Variants in CHRM3 observed in about 807,000 individuals in gnomAD.
The protein encoded by CHRM3 is cholinergic receptor muscarinic 3.
In CHRM3, 11 loss-of-function variants were observed where a neutral mutation model predicts 41.8. The ratio of observed to expected loss-of-function variants is 0.26; its 90% CI spans 0.17 to 0.44. The LOEUF (loss-of-function observed/expected upper bound fraction) is 0.44, where lower values mean the gene tolerates loss of function less well. Among genes scored for constraint, CHRM3 ranks in the 20% least tolerant of loss-of-function variants. CHRM3 has a pLI of 1.00. For synonymous variants in CHRM3, 297 were observed against 301.4 expected, an observed-to-expected ratio of 0.99 and a Z score of 0.15; for missense variants, 571 against 745.4, an observed-to-expected ratio of 0.77 and a Z score of 2.72.
chr1:239,437,528 C>A (rs141776355), intron 1 of CHRM3, among the ~76,000 whole-genome samples: 64 of 152,240 alleles, frequency 4.2e-4, no homozygotes, highest in Admixed American at 1.3e-3. Context: ...GAAAGCCTTT[C>A]TTTTTATTTT....
chr1:239,563,206 G>GACC (rs3028742), intron 3 of CHRM3, among the ~76,000 whole-genome samples: 132,391 of 151,562 alleles, frequency 0.87, 58,626 homozygotes, highest in Non-Finnish European at 0.94. Context: ...CAAGGAAAGA[G>GACC]ACCAAGAGAT....
Position 239,489,272 on chromosome 1 carries a change from C to T in CHRM3, c.-520-3437C>T, listed in dbSNP as rs1424151832. On this transcript the variant is annotated intron_variant, in intron 1 of 6. Transcript: ENST00000676153. ...ACTAAAAATATAAAAATTAGCCGGG[C>T]GTGGGGACACATGCCTGTAATCCCA... 3.3e-5 allele frequency among the ~76,000 whole-genome samples: 5 copies of T among 152,044 alleles called. No homozygotes were observed. In the South Asian group the frequency reaches 6.2e-4, roughly 19 times the overall value.
At chr1:239,618,492 C>G (rs1667908283) in intron 3 of CHRM3, among the ~76,000 whole-genome samples, 1 of 151,342 alleles carries the variant, frequency 6.6e-6, no homozygotes, top group Non-Finnish European at 1.5e-5. Flanking sequence ...AAAACAAAAA[C>G]ACAACTTGGA....
chr1:239,469,596 G>A (rs1418688870), intron 1 of CHRM3, among the ~76,000 whole-genome samples: 3 of 151,924 alleles, frequency 2.0e-5, no homozygotes, highest in Non-Finnish European at 4.4e-5. Flanking sequence ...TCTCTCTGCT[G>A]CCCAGGCTGG....
intron 4 of CHRM3, among the ~76,000 whole-genome samples, chr1:239,658,390 G>C (rs2148998594): frequency 6.6e-6 from 1 of 152,324 alleles, no homozygotes; most frequent in Non-Finnish European, 1.5e-5. Context: ...TAGAAAGAAT[G>C]TCAAGATTGA....
At chr1:239,847,502 A>T (rs993361132) in intron 6 of CHRM3, among the ~76,000 whole-genome samples, 5 of 152,204 alleles carry the variant, frequency 3.3e-5, no homozygotes, top group African/African-American at 1.2e-4. Context: ...AATTTAAAAA[A>T]GGCGGAAGGG....
intron 6 of CHRM3, chr1:239,886,142 T>G (rs1459523578): frequency 6.6e-6 from 1 of 152,218 alleles, no homozygotes; most frequent in Non-Finnish European, 1.5e-5. Context: ...AAGAAAAGAA[T>G]GAATCCGGAT....
At chr1:239,657,811 G>T (rs956769986) in intron 4 of CHRM3, among the ~76,000 whole-genome samples, 2 of 152,092 alleles carry the variant, frequency 1.3e-5, no homozygotes, top group Non-Finnish European at 2.9e-5. Flanking sequence ...AACATCATCT[G>T]TTTCCAATGC....
chr1:239,703,275 C>T (rs1006996637), intron 5 of CHRM3: 4 of 152,192 alleles, frequency 2.6e-5, no homozygotes, highest in African/African-American at 9.6e-5. Context: ...AATGATTCAG[C>T]TTTCACTATT....
intron 1 of CHRM3, among the ~76,000 whole-genome samples, chr1:239,404,905 T>C (rs764912349): frequency 6.6e-6 from 1 of 151,790 alleles, no homozygotes; most frequent in Non-Finnish European, 1.5e-5. Context: ...TGCATGGGTA[T>C]AATGCTATGT....
At chr1:239,392,169 A>T (rs996569711) in intron 1 of CHRM3, among the ~76,000 whole-genome samples, 1 of 152,098 alleles carries the variant, frequency 6.6e-6, no homozygotes, top group Non-Finnish European at 1.5e-5. Context: ...TCTGTCTCTG[A>T]TTCAATCTCA....
chr1:239,536,000 C>T (rs1658163785), intron 2 of CHRM3, among the ~76,000 whole-genome samples: 1 of 152,174 alleles, frequency 6.6e-6, no homozygotes, highest in Admixed American at 6.5e-5. Flanking sequence ...GTCTTTTTAA[C>T]TGCAAGCCAG....
chr1:239,911,531 G>A lies in CHRM3; in HGVS notation c.*2307G>A, dbSNP rs1191539588. The A allele has an allele frequency of 6.1e-6, 1 of 162,808 alleles. No individual in the cohort carries two copies. Among genetic ancestry groups the A allele is most frequent in the African/African-American group, 2.6e-5 (1 of 38,852 alleles). The allele number at this position is 162,808 out of a possible 1,614,324, so 10.1% of individuals were successfully genotyped here. A position where few individuals can be genotyped will look rare whatever the true frequency, so the allele number is the denominator to read the frequency against. ...CTCCTATCTTGCCTCCCTCCCAAAAGGGCTGTTTCTTTTATTAAAAAAAAA... is the reference window on the plus strand; with the variant it reads ...CTCCTATCTTGCCTCCCTCCCAAAAAGGCTGTTTCTTTTATTAAAAAAAAA... On this transcript the variant is annotated 3_prime_UTR_variant, in exon 7 of 7. Coordinates refer to ENST00000676153, the MANE Select transcript of CHRM3 (RefSeq NM_001375978.1).
intron 3 of CHRM3, among the ~76,000 whole-genome samples, chr1:239,622,284 A>C (rs1284033904): frequency 6.6e-6 from 1 of 152,206 alleles, no homozygotes; most frequent in Admixed American, 6.5e-5. Flanking sequence ...TATAACATCC[A>C]TTCTGCAGCC....
intron 2 of CHRM3, among the ~76,000 whole-genome samples, chr1:239,504,197 C>A (rs1013307545): frequency 6.6e-6 from 1 of 151,908 alleles, no homozygotes; most frequent in Non-Finnish European, 1.5e-5. Flanking sequence ...ACAACAAACT[C>A]AAACAAATCA....
intron 6 of CHRM3, among the ~76,000 whole-genome samples, chr1:239,862,519 T>C (rs1675721232): frequency 6.6e-6 from 1 of 152,076 alleles, no homozygotes; most frequent in South Asian, 2.1e-4. Context: ...CAAAGGGCAG[T>C]AGAACATGAA....
intron 2 of CHRM3, among the ~76,000 whole-genome samples, chr1:239,499,055 TTTGAA>T (rs1319006869): frequency 6.6e-6 from 1 of 152,178 alleles, no homozygotes. Context: ...TTGAGAACTG[TTTGAA>T]TTGAATTTCA....
At chr1:239,809,578 G>A (rs1028857216) in intron 5 of CHRM3, among the ~76,000 whole-genome samples, 1 of 151,940 alleles carries the variant, frequency 6.6e-6, no homozygotes, top group African/African-American at 2.4e-5. Flanking sequence ...GCTCACTACA[G>A]CCTCAACTTC....
intron 5 of CHRM3, among the ~76,000 whole-genome samples, chr1:239,686,913 C>G (rs992089567): frequency 4.6e-5 from 7 of 152,244 alleles, no homozygotes; most frequent in Non-Finnish European, 1.5e-5. Flanking sequence ...AATATACCTG[C>G]TTTCTAAGAT....
Sources: allele counts gnomAD v4.1 joint callset (sites outside exome capture counted in the v4.1 genomes callset), GRCh38; gene constraint gnomAD v4.1.1; transcripts MANE v1.5; gene names NCBI Gene and HGNC (gene_info 2026-07-23, HGNC 2026-07-21).